PARP8: variants seen among roughly 807,000 people sequenced by gnomAD.
PARP8 encodes poly(ADP-ribose) polymerase family member 8.
Under a neutral mutation model 124.1 loss-of-function variants are expected in PARP8, and 51 were observed. The observed-to-expected ratio is 0.41, with a 90% CI of 0.33 to 0.52. The LOEUF (loss-of-function observed/expected upper bound fraction) is 0.52, where lower values mean the gene tolerates loss of function less well. PARP8 is among the 20% of genes least tolerant of loss of function. PARP8 has a pLI of 0.21. For missense variants in PARP8, 860 were observed against 1,018.9 expected, an observed-to-expected ratio of 0.84 and a Z score of 2.12; for synonymous variants, 391 against 361.5, an observed-to-expected ratio of 1.08 and a Z score of -0.93.
chr5:50,733,529 C>T (rs1757188950), intron 2 of PARP8, among the ~76,000 whole-genome samples: 1 of 151,994 alleles, frequency 6.6e-6, no homozygotes, highest in African/African-American at 2.4e-5. Context: ...AGCTAAATAC[C>T]TTTAAATTAT....
intron 9 of PARP8, 21 bp from the exon 10 acceptor site, chr5:50,788,500 CTG>C: frequency 6.2e-7 from 1 of 1,607,370 alleles, no homozygotes; most frequent in Non-Finnish European, 8.5e-7. Flanking sequence ...CAATATGTGA[CTG>C]TGATCCTTTT....
At chr5:50,745,366 C>A (rs1758434286) in intron 2 of PARP8, among the ~76,000 whole-genome samples, 2 of 152,128 alleles carry the variant, frequency 1.3e-5, no homozygotes, top group African/African-American at 4.8e-5. Flanking sequence ...GTATTGGAAG[C>A]TGACTAAAAT....
rs1156586834 is a variant in PARP8, at chr5:50,827,982, T to A, written c.2016T>A (p.Leu672=). The change falls in exon 20 of 26, where the codon CTT becomes CTA. Residue 672 remains leucine, a synonymous_variant. Coordinates refer to ENST00000281631, the MANE Select transcript of PARP8 (RefSeq NM_024615.4). ...KFMHTPHQFL[L]LSSPPAKESN... ...TGCATACTCCACATCAGTTCCTTCTTCTCAGCAGTCCACCAGCCAAAGAAT... is the reference window on the plus strand; with the variant it reads ...TGCATACTCCACATCAGTTCCTTCTACTCAGCAGTCCACCAGCCAAAGAAT... 6.2e-7 allele frequency: 1 copy of A among 1,613,726 alleles called. No homozygotes were observed.
intron 2 of PARP8, among the ~76,000 whole-genome samples, chr5:50,685,007 C>CT (rs1353791164): frequency 6.6e-6 from 1 of 152,112 alleles, no homozygotes; most frequent in Non-Finnish European, 1.5e-5. Flanking sequence ...TGTAAAGCTC[C>CT]TTTTTTGTTT....
At chr5:50,766,640 T>G (rs1460664480) in intron 7 of PARP8, among the ~76,000 whole-genome samples, 1 of 152,044 alleles carries the variant, frequency 6.6e-6, no homozygotes, top group Non-Finnish European at 1.5e-5. Flanking sequence ...ATGCTTAATG[T>G]AGGCTGGAAG....
At chr5:50,807,112 TG>T (rs1345543250) in intron 14 of PARP8, among the ~76,000 whole-genome samples, 1 of 151,978 alleles carries the variant, frequency 6.6e-6, no homozygotes, top group Non-Finnish European at 1.5e-5. Flanking sequence ...GATTGTTTTT[TG>T]ATGACATAAA....
rs751805963 is a variant in PARP8, at chr5:50,795,279, C to T, written c.1290C>T (p.Ser430=). 6.2e-7 allele frequency: 1 copy of T among 1,614,110 alleles called. No homozygotes were observed. The highest frequency in any genetic ancestry group is 8.5e-7 in the Non-Finnish European group (1 of 1,180,004). ...GACTGAAAAATCACAAATTGCTCAGCAAGTCCTACTCCAGTGCCCCCAAGT... is the reference window on the plus strand; with the variant it reads ...GACTGAAAAATCACAAATTGCTCAGTAAGTCCTACTCCAGTGCCCCCAAGT... ...LYGLKNHKLL[S]KSYSSAPKSS... The change falls in exon 12 of 26, where the codon AGC becomes AGT. Residue 430 remains serine (S), a synonymous_variant. Coordinates refer to ENST00000281631, the MANE Select transcript of PARP8 (RefSeq NM_024615.4).
intron 2 of PARP8, among the ~76,000 whole-genome samples, chr5:50,673,219 C>T (rs1382585004): frequency 6.6e-6 from 1 of 151,962 alleles, no homozygotes; most frequent in Non-Finnish European, 1.5e-5. Flanking sequence ...GAATCTGGGT[C>T]TTCATATCTT....
At chr5:50,695,067 A>T (rs1374409159) in intron 2 of PARP8, among the ~76,000 whole-genome samples, 1 of 152,178 alleles carries the variant, frequency 6.6e-6, no homozygotes, top group Non-Finnish European at 1.5e-5. Context: ...TGCCTCTCCC[A>T]GTCCACTGAC....
chr5:50,767,737 C>T (rs560763555), intron 7 of PARP8, among the ~76,000 whole-genome samples: 65 of 152,166 alleles, frequency 4.3e-4, no homozygotes, highest in Non-Finnish European at 8.7e-4. Context: ...GAATTTCTTC[C>T]TGACTACTGA....
chr5:50,787,978 A>T (rs994620129), intron 9 of PARP8, among the ~76,000 whole-genome samples: 1 of 149,314 alleles, frequency 6.7e-6, no homozygotes, highest in Non-Finnish European at 1.5e-5. Context: ...ATACCTGGTA[A>T]AAGTACGAAC....
chr5:50,710,527 CT>C (rs1189963427), intron 2 of PARP8, among the ~76,000 whole-genome samples: 1 of 151,590 alleles, frequency 6.6e-6, no homozygotes, highest in Non-Finnish European at 1.5e-5. Flanking sequence ...TTAAATAAAC[CT>C]TTTTTATTTA....
At chr5:50,841,943 T>C in intron 25 of PARP8, 23 bp from the exon 26 acceptor site, 2 of 1,495,070 alleles carry the variant, frequency 1.3e-6, no homozygotes, top group Non-Finnish European at 1.8e-6. Context: ...AATGTTTTTA[T>C]ATTTTTATGT....
chr5:50,825,105 A>T, intron 18 of PARP8, 130 bp downstream of exon 18: 2 of 734,418 alleles, frequency 2.7e-6, no homozygotes. Context: ...CTACAAGCTT[A>T]TGAGACCTGG....
chr5:50,754,594 T>C (rs1042082083), intron 3 of PARP8, among the ~76,000 whole-genome samples: 21 of 152,190 alleles, frequency 1.4e-4, no homozygotes, highest in African/African-American at 5.1e-4. Context: ...TGATGGACAT[T>C]TGGGTTGGTT....
Position 50,834,987 on chromosome 5 carries a change from G to T in PARP8, c.2434G>T (p.Asp812Tyr). Residue 812 changes from aspartate to tyrosine, a missense_variant, in exon 25 of 26, where the codon GAC becomes TAC. Asp to Tyr is a radical substitution (Grantham distance 160, BLOSUM62 -3). Coordinates refer to ENST00000281631, the MANE Select transcript of PARP8 (RefSeq NM_024615.4). Reference protein sequence around the residue: ...HGEIWVVPNTDHVCTRFFFVY... With the variant: ...HGEIWVVPNTYHVCTRFFFVY... Reference sequence around the variant, plus strand: ...AGAGATATGGGTTGTCCCCAATACTGACCATGTCTGCACACGATTCTTTTT... The same window carrying T: ...AGAGATATGGGTTGTCCCCAATACTTACCATGTCTGCACACGATTCTTTTT... 1 of 1,613,262 alleles carries T rather than the reference G, an allele frequency of 6.2e-7. No individual in the cohort carries two copies. The highest frequency in any genetic ancestry group is 1.1e-5 in the South Asian group (1 of 91,036).
chr5:50,759,780 T>C, intron 4 of PARP8, 48 bp downstream of exon 4: 1 of 1,512,508 alleles, frequency 6.6e-7, no homozygotes, highest in East Asian at 2.5e-5. Flanking sequence ...TTAAATTGCA[T>C]TATCTTTTTT....
intron 25 of PARP8, among the ~76,000 whole-genome samples, 164 bp downstream of exon 25, chr5:50,835,179 C>A (rs943200469): frequency 1.3e-5 from 2 of 152,090 alleles, no homozygotes. Flanking sequence ...TTAAAAAAAT[C>A]TAAATAATTT....
Position 50,832,834 on chromosome 5 carries a change from A to G in PARP8, c.2287A>G (p.Lys763Glu). Residue 763 changes from lysine to glutamate, a missense_variant, in exon 23 of 26, where the codon AAA becomes GAA. Around this residue, in one of 2 missense-constraint regions of PARP8, gnomAD observed 343 missense variants for 474.7 expected, o/e 0.72. Transcript: ENST00000281631. ...CAAGGACGAGCCAGCTTCAAGCAGTAAAAGCAGCAATACATCACAGGTGTT... is the reference window on the plus strand; with the variant it reads ...CAAGGACGAGCCAGCTTCAAGCAGTGAAAGCAGCAATACATCACAGGTGTT... ...SAKDEPASSSKSSNTSQSQKK... is the reference protein window; with the variant it reads ...SAKDEPASSSESSNTSQSQKK... 6.2e-7 allele frequency: 1 copy of G among 1,613,470 alleles called. No individual in the cohort carries two copies. The highest frequency in any genetic ancestry group is 8.5e-7 in the Non-Finnish European group (1 of 1,179,556).
Sources: allele counts gnomAD v4.1 joint callset (sites outside exome capture counted in the v4.1 genomes callset), GRCh38; gene constraint gnomAD v4.1.1; regional missense constraint gnomAD v4.1.1; transcripts MANE v1.5; gene names NCBI Gene and HGNC (gene_info 2026-07-23, HGNC 2026-07-21).